ARHGEF28: variants seen among roughly 807,000 people sequenced by gnomAD.
ARHGEF28 encodes the protein 190 kDa guanine nucleotide exchange factor.
Under a neutral mutation model 206.6 loss-of-function variants are expected in ARHGEF28, and 152 were observed. That is an observed-to-expected ratio of 0.74 (90% confidence interval 0.64 to 0.84). The LOEUF (loss-of-function observed/expected upper bound fraction) is 0.84. Among genes scored for constraint, ARHGEF28 ranks in the 40% least tolerant of loss-of-function variants. The probability of loss-of-function intolerance (pLI) is 0.00; values close to 1 mark genes in which losing one functional copy is unlikely to be tolerated. For synonymous variants in ARHGEF28, 763 were observed against 776.4 expected (o/e 0.98, Z 0.29); for missense variants, 2,028 against 2,073.2 (o/e 0.98, Z 0.42).
At chr5:73,732,683 G>A (rs1166861731) in intron 2 of ARHGEF28, among the ~76,000 whole-genome samples, 1 of 152,158 alleles carries the variant, frequency 6.6e-6, no homozygotes, top group Non-Finnish European at 1.5e-5. Context: ...TAGACCATGA[G>A]AACAGGGATT....
chr5:73,824,797 G>A (rs1366441763), intron 9 of ARHGEF28, among the ~76,000 whole-genome samples: 2 of 152,008 alleles, frequency 1.3e-5, no homozygotes, highest in Non-Finnish European at 2.9e-5. Context: ...GTCGCTGATA[G>A]AGGCTGAGGG....
At chr5:73,711,658 T>C (rs1403761316) in intron 2 of ARHGEF28, among the ~76,000 whole-genome samples, 1 of 152,164 alleles carries the variant, frequency 6.6e-6, no homozygotes, top group Non-Finnish European at 1.5e-5. Flanking sequence ...TTAACTTTTG[T>C]ATTCTGTAAT....
chr5:73,666,630 G>A (rs983503656), intron 1 of ARHGEF28, among the ~76,000 whole-genome samples: 2 of 152,154 alleles, frequency 1.3e-5, no homozygotes, highest in African/African-American at 4.8e-5. Flanking sequence ...GTCAACTGTA[G>A]AATGATGAGG....
chr5:73,730,196 T>C (rs1407034279), intron 2 of ARHGEF28, among the ~76,000 whole-genome samples: 1 of 152,248 alleles, frequency 6.6e-6, no homozygotes, highest in Non-Finnish European at 1.5e-5. Context: ...TAATGAAATC[T>C]ACTCAACTTA....
At chr5:73,753,352 G>T (rs995511583) in intron 4 of ARHGEF28, 150 bp downstream of exon 4, 6 of 796,754 alleles carry the variant, frequency 7.5e-6, no homozygotes, top group Middle Eastern at 3.7e-4. Context: ...CTGAGGTCCT[G>T]AGCCACTCAT....
intron 2 of ARHGEF28, among the ~76,000 whole-genome samples, chr5:73,696,382 A>G (rs775736814): frequency 5.9e-5 from 9 of 152,080 alleles, no homozygotes; most frequent in Non-Finnish European, 1.2e-4. Context: ...GGACCTTTGT[A>G]TGTGCGGTTG....
chr5:73,822,787 C>T (rs1234495449), intron 9 of ARHGEF28, among the ~76,000 whole-genome samples: 1 of 152,148 alleles, frequency 6.6e-6, no homozygotes, highest in Non-Finnish European at 1.5e-5. Flanking sequence ...CCACATGCAG[C>T]TAATTTGTTT....
At chr5:73,778,125 T>C (rs946483010) in intron 6 of ARHGEF28, 2 of 151,932 alleles carry the variant, frequency 1.3e-5, no homozygotes, top group Non-Finnish European at 2.9e-5. Context: ...CACTGTGGTT[T>C]CTCACCAAAG....
rs760109194 is a variant in ARHGEF28 at position 73,894,527 on chromosome 5, G to A, written c.3793G>A (p.Gly1265Ser). 1.2e-6 allele frequency: 2 copies of A among 1,613,782 alleles called. No individual in the cohort carries two copies. The highest frequency in any genetic ancestry group is 3.3e-5 in the Admixed American group (2 of 59,998). ...EPHLLIKPDP[G>S]EPPQAASLLA... ...CCACCTCCTTATTAAACCTGACCCAGGCGAGCCTCCCCAGGCAGCCTCATT... is the reference window on the plus strand; with the variant it reads ...CCACCTCCTTATTAAACCTGACCCAAGCGAGCCTCCCCAGGCAGCCTCATT... Residue 1265 changes from glycine (G) to serine (S), a missense_variant, in exon 29 of 36, where the codon GGC (glycine) becomes AGC (serine). Transcript: ENST00000513042.
In ARHGEF28 at chr5:73,636,008, C is replaced by A. The variant is rs374152475; in HGVS notation, c.-12+9686C>A. On this transcript the variant is annotated intron_variant, in intron 1 of 35. Transcript: ENST00000513042. ...TATTGTTTCTTCTCCCATTTGATCA[C>A]CAGAAATATTGATATCTTGCTCACT... Among the ~76,000 whole-genome samples, 4 of 152,106 alleles carry A rather than the reference C, an allele frequency of 2.6e-5. No individual in the cohort carries two copies. In the South Asian group the frequency reaches 8.3e-4, roughly 31 times the overall value.
chr5:73,741,377 GTGTGTGTGTATATATATATATA>G (rs1751391213), intron 2 of ARHGEF28, among the ~76,000 whole-genome samples: 5 of 73,048 alleles, frequency 6.8e-5, no homozygotes, highest in East Asian at 7.2e-4. Context: ...GTGTGTGTGT[GTGTGTGTGTATATATATATATA>G]TATATATATA....
chr5:73,933,114 T>C (rs917913323), intron 35 of ARHGEF28, among the ~76,000 whole-genome samples: 2 of 152,162 alleles, frequency 1.3e-5, no homozygotes, highest in Admixed American at 6.5e-5. Context: ...CCGGCCTATT[T>C]CCTATTTCTT....
intron 7 of ARHGEF28, among the ~76,000 whole-genome samples, chr5:73,792,342 A>G (rs1754529964): frequency 6.6e-6 from 1 of 152,206 alleles, no homozygotes; most frequent in African/African-American, 2.4e-5. Flanking sequence ...GAGAAGGGAA[A>G]GGAAGCTGGA....
chr5:73,717,718 T>C (rs1010047170), intron 2 of ARHGEF28, among the ~76,000 whole-genome samples: 6 of 152,144 alleles, frequency 3.9e-5, no homozygotes, highest in African/African-American at 1.2e-4. Context: ...ATAGATAAGG[T>C]AGAAGAAAGG....
At chr5:73,849,601 A>T (rs1225499061) in intron 13 of ARHGEF28, among the ~76,000 whole-genome samples, 1 of 146,214 alleles carries the variant, frequency 6.8e-6, no homozygotes, top group Non-Finnish European at 1.5e-5. Flanking sequence ...CAATGTAGGC[A>T]ATTAGAAATA....
At chr5:73,897,470 A>G (rs1762023227) in intron 29 of ARHGEF28, among the ~76,000 whole-genome samples, 1 of 152,218 alleles carries the variant, frequency 6.6e-6, no homozygotes, top group African/African-American at 2.4e-5. Flanking sequence ...TCTAAAGATA[A>G]GTGTAGGGAA....
intron 14 of ARHGEF28, among the ~76,000 whole-genome samples, chr5:73,854,507 C>A (rs1331132600): frequency 6.6e-6 from 1 of 152,176 alleles, no homozygotes; most frequent in Admixed American, 6.5e-5. Context: ...TCCACTGTGT[C>A]AATTTTCAAT....
At chr5:73,833,124 T>C (rs1193778466) in intron 10 of ARHGEF28, among the ~76,000 whole-genome samples, 1 of 152,170 alleles carries the variant, frequency 6.6e-6, no homozygotes, top group Non-Finnish European at 1.5e-5. Context: ...AATTTTAGTA[T>C]TTATAAAAAT....
intron 4 of ARHGEF28, among the ~76,000 whole-genome samples, chr5:73,765,374 T>C (rs1383877620): frequency 2.0e-5 from 3 of 152,202 alleles, no homozygotes; most frequent in African/African-American, 7.2e-5. Context: ...CCATATGCAG[T>C]ATGATACTCT....
Sources: gnomAD v4.1 joint callset for allele counts (sites outside exome capture counted in the v4.1 genomes callset) on GRCh38, gnomAD v4.1.1 for gene constraint, MANE v1.5 for transcripts, NCBI Gene and HGNC (gene_info 2026-07-23, HGNC 2026-07-21) for gene names.